NAA35: variants seen among roughly 807,000 people sequenced by gnomAD.
NAA35 encodes MAK10 homolog, amino-acid N-acetyltransferase subunit.
Under a neutral mutation model 101.7 loss-of-function variants are expected in NAA35, and 18 were observed. The observed-to-expected ratio is 0.18, with a 90% CI of 0.12 to 0.26. NAA35 has a LOEUF of 0.26. NAA35 is among the 10% of genes least tolerant of loss of function. NAA35 has a pLI of 1.00. For synonymous variants in NAA35, 267 were observed against 273.1 expected (o/e 0.98, Z 0.22); for missense variants, 601 against 886.8 (o/e 0.68, Z 4.09).
rs551889906 is a variant in NAA35 at position 85,945,462 on chromosome 9, C to G, written c.124+3179C>G. Among the ~76,000 whole-genome samples the G allele has an allele frequency of 7.2e-4, 110 of 151,916 alleles. 1 individual carries two copies. Among genetic ancestry groups the G allele is most frequent in the Admixed American group, 6.5e-4 (10 of 15,270 alleles). ...TAAATTTAAAACAGATATGATTACACTCTTTCTTTTAACTTGCAGTAATCT... is the reference window on the plus strand; with the variant it reads ...TAAATTTAAAACAGATATGATTACAGTCTTTCTTTTAACTTGCAGTAATCT... On this transcript the variant is annotated intron_variant, in intron 2 of 22. Transcript: ENST00000361671.
At chr9:85,998,182 G>A (rs537721510) in intron 12 of NAA35, among the ~76,000 whole-genome samples, 2 of 152,218 alleles carry the variant, frequency 1.3e-5, no homozygotes, top group Admixed American at 1.3e-4. Context: ...CGAAAATGCT[G>A]GGATTACAGG....
At chr9:86,004,156 G>A (rs1324316639) in intron 13 of NAA35, among the ~76,000 whole-genome samples, 2 of 152,200 alleles carry the variant, frequency 1.3e-5, no homozygotes, top group Non-Finnish European at 2.9e-5. Context: ...CCAGGCTGGA[G>A]TGCAGTGGCA....
chr9:86,018,121 A>G (rs926163644), intron 19 of NAA35, 134 bp from the exon 20 acceptor site: 129 of 742,210 alleles, frequency 1.7e-4, no homozygotes, highest in Middle Eastern at 7.6e-4. Context: ...TATGACAATT[A>G]TATGTCCTCA....
At chr9:86,009,790 G>A in intron 14 of NAA35, 75 bp from the exon 15 acceptor site, 1 of 1,016,518 alleles carries the variant, frequency 9.8e-7, no homozygotes, top group Admixed American at 2.0e-5. Context: ...TCTGTCATTT[G>A]GTAGCATCTG....
intron 2 of NAA35, among the ~76,000 whole-genome samples, chr9:85,953,995 C>T (rs929255905): frequency 7.9e-5 from 12 of 152,152 alleles, no homozygotes; most frequent in South Asian, 2.1e-4. Flanking sequence ...CATGAGCATA[C>T]GAGTACCTCT....
chr9:86,023,560 A>C lies in NAA35; in HGVS notation c.*1600A>C, dbSNP rs2118556801. On this transcript the variant is annotated 3_prime_UTR_variant, in exon 23 of 23. Transcript: ENST00000361671. Reference sequence around the variant, plus strand: ...CCCAGTGGCCAAGATACAAAGTATAAAAAATATGTCCCCCTTAAAAGCAAA... The same window carrying C: ...CCCAGTGGCCAAGATACAAAGTATACAAAATATGTCCCCCTTAAAAGCAAA... 6.6e-6 allele frequency among the ~76,000 whole-genome samples: 1 copy of C among 152,318 alleles called. No individual in the cohort carries two copies. The highest frequency in any genetic ancestry group is 2.4e-5 in the African/African-American group (1 of 41,582).
chr9:85,975,598 T>C (rs1230225613), intron 8 of NAA35, among the ~76,000 whole-genome samples: 1 of 152,210 alleles, frequency 6.6e-6, no homozygotes, highest in Non-Finnish European at 1.5e-5. Flanking sequence ...AAAATTTGAA[T>C]TTTTTAATGT....
chr9:85,941,322 C>A, intron 1 of NAA35, 49 bp downstream of exon 1: 1 of 985,588 alleles, frequency 1.0e-6, no homozygotes, highest in Non-Finnish European at 1.2e-6. Context: ...CTCGTGTGTC[C>A]GAGAGCCGCA....
At chr9:85,961,935 C>T in intron 5 of NAA35, 78 bp from the exon 6 acceptor site, 1 of 1,168,544 alleles carries the variant, frequency 8.6e-7, no homozygotes, top group South Asian at 1.7e-5. Context: ...GGTGCTCTGG[C>T]CTTTGACTCT....
chr9:85,966,793 A>C, intron 6 of NAA35: 1 of 333,164 alleles, frequency 3.0e-6, no homozygotes, highest in Admixed American at 4.2e-5. Flanking sequence ...TAGTTATTTC[A>C]CCTCTATAAC....
At chr9:85,985,362 C>T (rs1830603826) in intron 11 of NAA35, among the ~76,000 whole-genome samples, 1 of 152,184 alleles carries the variant, frequency 6.6e-6, no homozygotes, top group South Asian at 2.1e-4. Flanking sequence ...GCTCAAATGT[C>T]CATCAGTGGA....
chr9:86,012,030 A>G (rs1415255297), intron 15 of NAA35, among the ~76,000 whole-genome samples: 1 of 146,590 alleles, frequency 6.8e-6, no homozygotes, highest in Admixed American at 6.9e-5. Context: ...TGGTATGGGG[A>G]AAGAAAAAAC....
intron 12 of NAA35, among the ~76,000 whole-genome samples, chr9:85,999,635 G>A (rs1831331283): frequency 6.6e-6 from 1 of 152,148 alleles, no homozygotes; most frequent in Admixed American, 6.5e-5. Flanking sequence ...CCAAGGATAG[G>A]TAGCTGAGGC....
chr9:85,951,995 C>A (rs969404327), intron 2 of NAA35, among the ~76,000 whole-genome samples: 3 of 152,144 alleles, frequency 2.0e-5, no homozygotes, highest in African/African-American at 7.2e-5. Flanking sequence ...TTTCATTATA[C>A]AATATTAATA....
chr9:85,977,502 C>T (rs778405225), intron 10 of NAA35, 56 bp downstream of exon 10: 1 of 1,231,832 alleles, frequency 8.1e-7, no homozygotes, highest in Non-Finnish European at 1.2e-6. Context: ...GCTGGAATTC[C>T]TGAGTGAAGC....
At chr9:85,995,943 C>T (rs1035597228) in intron 11 of NAA35, among the ~76,000 whole-genome samples, 1 of 152,158 alleles carries the variant, frequency 6.6e-6, no homozygotes, top group Non-Finnish European at 1.5e-5. Context: ...CTCTGCTCTG[C>T]TATTCAGGAT....
chr9:85,998,226 A>G (rs1282862641), intron 12 of NAA35, among the ~76,000 whole-genome samples: 3 of 152,084 alleles, frequency 2.0e-5, no homozygotes, highest in Non-Finnish European at 4.4e-5. Flanking sequence ...AAGTGTGTAT[A>G]TAGTTTTACA....
rs369929454 is a variant in NAA35, at chr9:85,985,810, G to A, written c.877+7429G>A. Reference sequence around the variant, plus strand: ...TAGAGAAATGATTTCAGACTGGGGGGAAATGGTTTTTAATGTTGAATTCTA... The same window carrying A: ...TAGAGAAATGATTTCAGACTGGGGGAAAATGGTTTTTAATGTTGAATTCTA... On this transcript the variant is annotated intron_variant, in intron 11 of 22. Transcript: ENST00000361671. Among the ~76,000 whole-genome samples the A allele has an allele frequency of 2.9e-3, 439 of 152,256 alleles. 5 individuals are homozygous for A. The South Asian group carries it at 0.034, about 12-fold the overall frequency.
chr9:85,984,311 A>T (rs1406413404), intron 11 of NAA35, among the ~76,000 whole-genome samples: 1 of 151,864 alleles, frequency 6.6e-6, no homozygotes, highest in Non-Finnish European at 1.5e-5. Flanking sequence ...CCTGGACGAC[A>T]GTGAGAGACC....
Sources: allele counts gnomAD v4.1 joint callset (sites outside exome capture counted in the v4.1 genomes callset), GRCh38; gene constraint gnomAD v4.1.1; transcripts MANE v1.5; gene names NCBI Gene and HGNC (gene_info 2026-07-23, HGNC 2026-07-21).